Variants in C2CD3 observed in about 807,000 individuals in gnomAD.
C2CD3 encodes the protein C2 domain containing 3 centriole elongation regulator.
A neutral mutation model predicts 234.0 loss-of-function variants in C2CD3; 148 were observed. The ratio of observed to expected loss-of-function variants is 0.63; its 90% CI spans 0.55 to 0.72. C2CD3 has a LOEUF of 0.72. C2CD3 is among the 30% of genes least tolerant of loss of function. C2CD3 has a pLI of 0.00. For missense variants in C2CD3, 2,577 were observed against 2,811.5 expected (o/e 0.92, Z 1.89); for synonymous variants, 1,000 against 1,035.4 (o/e 0.97, Z 0.66).
intron 20 of C2CD3, among the ~76,000 whole-genome samples, chr11:74,086,806 A>G (rs775819831): frequency 3.3e-5 from 5 of 152,238 alleles, no homozygotes; most frequent in Non-Finnish European, 7.3e-5. Context: ...TAGAGTTGAC[A>G]TCTAGGCAAA....
chr11:74,036,387 G>C, intron 30 of C2CD3: 1 of 455,242 alleles, frequency 2.2e-6, no homozygotes, highest in Non-Finnish European at 4.4e-6. Context: ...GCCTGGCACA[G>C]ATGGTGCTCA....
intron 8 of C2CD3, among the ~76,000 whole-genome samples, chr11:74,122,043 T>C (rs767824459): frequency 1.3e-5 from 2 of 152,228 alleles, no homozygotes; most frequent in African/African-American, 2.4e-5. Context: ...TCTTGTGATA[T>C]GTGATTTCCT....
chr11:74,123,078 T>C lies in C2CD3; in HGVS notation c.1275A>G (p.Pro425=), dbSNP rs770173633. The C allele has an allele frequency of 4.3e-6, 7 of 1,612,698 alleles. No individual in the cohort carries two copies. The East Asian group carries it at 8.9e-5, about 21-fold the overall frequency. ...TGCAATACACATCACTCCCAGGAGATGGGGAATCTGGAGGAGAGCCTAGCC... is the reference window on the plus strand; with the variant it reads ...TGCAATACACATCACTCCCAGGAGACGGGGAATCTGGAGGAGAGCCTAGCC... ...WDGLGSPPDS[P]SPGSDVYCIS... Residue 425 remains proline (P), a synonymous_variant, in exon 8 of 33, where the codon CCA becomes CCG. Coordinates refer to ENST00000334126, the MANE Select transcript of C2CD3 (RefSeq NM_001286577.2).
intron 25 of C2CD3, among the ~76,000 whole-genome samples, chr11:74,056,028 T>G (rs1482739055): frequency 6.6e-6 from 1 of 152,250 alleles, no homozygotes; most frequent in Non-Finnish European, 1.5e-5. Context: ...TATGAAGTAC[T>G]CTGGCCACTA....
intron 3 of C2CD3, among the ~76,000 whole-genome samples, chr11:74,150,021 A>T (rs1002971459): frequency 1.3e-5 from 2 of 152,102 alleles, no homozygotes; most frequent in Non-Finnish European, 2.9e-5. Flanking sequence ...TTTGTGTGTG[A>T]CTGTTTCTCC....
At chr11:74,145,832 A>C (rs1254582919) in intron 3 of C2CD3, among the ~76,000 whole-genome samples, 1 of 152,148 alleles carries the variant, frequency 6.6e-6, no homozygotes, top group Non-Finnish European at 1.5e-5. Context: ...TCTTTCTAAT[A>C]AAACTCCCAA....
At chr11:74,113,556 T>A in intron 11 of C2CD3, 1 of 502,746 alleles carries the variant, frequency 2.0e-6, no homozygotes, top group Non-Finnish European at 3.6e-6. Context: ...GGCATACGCC[T>A]GTAATCCCAG....
chr11:74,058,663 T>A (rs1954071358), intron 24 of C2CD3, among the ~76,000 whole-genome samples: 2 of 152,068 alleles, frequency 1.3e-5, no homozygotes. Flanking sequence ...TGGGTGCTGG[T>A]GAGAATACCT....
chr11:74,084,120 G>A (rs761626337), intron 22 of C2CD3, among the ~76,000 whole-genome samples: 2 of 152,106 alleles, frequency 1.3e-5, no homozygotes, highest in African/African-American at 4.8e-5. Context: ...GCCATAGAAA[G>A]GGATGAGTTC....
chr11:74,013,552 AC>A, intron 32 of C2CD3, 27 bp from the exon 33 acceptor site: 2 of 1,303,988 alleles, frequency 1.5e-6, no homozygotes, highest in Non-Finnish European at 2.0e-6. Context: ...CAGCTAGGTT[AC>A]CACTGAGGAT....
At chr11:74,040,759 A>G (rs1424619449) in intron 29 of C2CD3, among the ~76,000 whole-genome samples, 1 of 151,916 alleles carries the variant, frequency 6.6e-6, no homozygotes, top group Non-Finnish European at 1.5e-5. Context: ...CCATCTCAAG[A>G]AAAACAAAAA....
chr11:74,063,874 G>A (rs1399177311), intron 24 of C2CD3, among the ~76,000 whole-genome samples: 1 of 152,042 alleles, frequency 6.6e-6, no homozygotes. Flanking sequence ...AAACCCCATC[G>A]TCTCAGCCCA....
At chr11:74,153,411 A>T (rs1233763676) in intron 3 of C2CD3, among the ~76,000 whole-genome samples, 2 of 152,240 alleles carry the variant, frequency 1.3e-5, no homozygotes, top group Non-Finnish European at 2.9e-5. Flanking sequence ...ACCTGTCTTT[A>T]TCCACAGATG....
chr11:74,085,716 A>G lies in C2CD3; in HGVS notation c.3812T>C (p.Leu1271Ser). ...FSHHVEFTCN[L>S]VTQHCSGEAC... The stretch of plus-strand genomic sequence containing the variant: ...CTCTCCACTACAGTGCTGAGTCACC[A>G]AGTTACATGTGAACTCAACGTGATG... The change falls in exon 21 of 33, where the codon TTG becomes TCG. Residue 1271 changes from leucine (L) to serine (S), a missense_variant. By Grantham distance (145) the Leu-to-Ser change is moderately radical (BLOSUM62 -2). Transcript: ENST00000334126. 1 of 1,614,158 alleles carries G rather than the reference A, an allele frequency of 6.2e-7. No homozygotes were observed. The highest frequency in any genetic ancestry group is 1.1e-5 in the South Asian group (1 of 91,080).
Position 74,050,564 on chromosome 11 carries a change from C to CAGTGTTTGG in C2CD3, c.5156-1023_5156-1022insCCAAACACT, listed in dbSNP as rs562163445. On this transcript the variant is annotated intron_variant, in intron 26 of 32. Coordinates refer to ENST00000334126, the MANE Select transcript of C2CD3 (RefSeq NM_001286577.2). The stretch of plus-strand genomic sequence containing the variant: ...TGTATAGTGAAATCAAAGGCTGGAT[C>CAGTGTTTGG]TACCAAACACTGATACAACTGTAGG... Among the ~76,000 whole-genome samples, 66 of 152,342 alleles carry CAGTGTTTGG rather than the reference C, an allele frequency of 4.3e-4. 1 individual carries two copies. Among genetic ancestry groups the CAGTGTTTGG allele is most frequent in the African/African-American group, 1.5e-3 (64 of 41,572 alleles).
chr11:74,014,520 G>A (rs1951809469), intron 32 of C2CD3, among the ~76,000 whole-genome samples: 1 of 131,080 alleles, frequency 7.6e-6, no homozygotes, highest in Non-Finnish European at 1.5e-5. Flanking sequence ...AGAAACTGAG[G>A]CCCAGCGAGA....
At chr11:74,067,012 A>G (rs1954573713) in intron 24 of C2CD3, among the ~76,000 whole-genome samples, 1 of 152,262 alleles carries the variant, frequency 6.6e-6, no homozygotes, top group African/African-American at 2.4e-5. Flanking sequence ...ATTCCATAAT[A>G]CAACCATATT....
intron 32 of C2CD3, among the ~76,000 whole-genome samples, chr11:74,014,540 AGCGAGAGTTGCGCC>A (rs1951810701): frequency 1.3e-5 from 2 of 152,114 alleles, no homozygotes; most frequent in African/African-American, 4.8e-5. Context: ...AGTTGCGCCC[AGCGAGAGTTGCGCC>A]CAGCGAGAGT....
chr11:74,148,116 A>G (rs1032621004), intron 3 of C2CD3, among the ~76,000 whole-genome samples: 1 of 152,194 alleles, frequency 6.6e-6, no homozygotes, highest in Non-Finnish European at 1.5e-5. Context: ...TTTTGCCAAG[A>G]TTCTACCTTT....
Sources: gnomAD v4.1 joint callset for allele counts (sites outside exome capture counted in the v4.1 genomes callset) on GRCh38, gnomAD v4.1.1 for gene constraint, MANE v1.5 for transcripts, NCBI Gene and HGNC (gene_info 2026-07-23, HGNC 2026-07-21) for gene names.